ENTHD1: variants seen among roughly 807,000 people sequenced by gnomAD.
ENTHD1 encodes the protein ENTH domain containing 1, also known as ENTH domain-containing protein 1.
Under a neutral mutation model 39.1 loss-of-function variants are expected in ENTHD1, and 23 were observed. The observed-to-expected ratio is 0.59, with a 90% CI of 0.42 to 0.83. The LOEUF (loss-of-function observed/expected upper bound fraction) is 0.83, where lower values mean the gene tolerates loss of function less well. Among genes scored for constraint, ENTHD1 ranks in the 40% least tolerant of loss-of-function variants. The pLI is 0.00. For missense variants in ENTHD1, 624 were observed against 705.4 expected, an observed-to-expected ratio of 0.88 and a Z score of 1.31; for synonymous variants, 230 against 258.2, an observed-to-expected ratio of 0.89 and a Z score of 1.05.
chr22:39,796,556 C>T (rs2065551740), intron 5 of ENTHD1, among the ~76,000 whole-genome samples: 1 of 152,154 alleles, frequency 6.6e-6, no homozygotes, highest in African/African-American at 2.4e-5. Flanking sequence ...GGTGAGCCAC[C>T]ATGCCTGGCT....
At chr22:39,837,604 C>T (rs945374944) in intron 3 of ENTHD1, among the ~76,000 whole-genome samples, 16 of 152,172 alleles carry the variant, frequency 1.1e-4, no homozygotes, top group African/African-American at 3.9e-4. Flanking sequence ...GCATAAATAA[C>T]AAGGTATTTT....
chr22:39,821,248 A>G, intron 4 of ENTHD1, 135 bp from the exon 5 acceptor site: 2 of 1,111,928 alleles, frequency 1.8e-6, no homozygotes, highest in South Asian at 3.3e-5. Context: ...ACTCAAACAT[A>G]CATCTATCAC....
chr22:39,768,145 C>T (rs1260948577), intron 5 of ENTHD1, among the ~76,000 whole-genome samples: 3 of 152,174 alleles, frequency 2.0e-5, no homozygotes, highest in Non-Finnish European at 2.9e-5. Flanking sequence ...TTCCATCAGC[C>T]TTCATCCACC....
At chr22:39,870,106 T>C (rs770039252) in intron 2 of ENTHD1, among the ~76,000 whole-genome samples, 3 of 151,938 alleles carry the variant, frequency 2.0e-5, no homozygotes, top group Non-Finnish European at 4.4e-5. Context: ...AAACTCCGCC[T>C]CCTGGGTTCA....
At chr22:39,791,416 G>A (rs551307673) in intron 5 of ENTHD1, among the ~76,000 whole-genome samples, 68 of 151,220 alleles carry the variant, frequency 4.5e-4, no homozygotes, top group African/African-American at 1.5e-3. Flanking sequence ...TTTGTGGGGG[G>A]AACAGTCTCG....
intron 2 of ENTHD1, among the ~76,000 whole-genome samples, chr22:39,878,274 G>A (rs556891810): frequency 1.6e-4 from 25 of 152,162 alleles, no homozygotes; most frequent in African/African-American, 5.1e-4. Flanking sequence ...GAGAAAAACC[G>A]AATGACAACA....
intron 5 of ENTHD1, among the ~76,000 whole-genome samples, chr22:39,772,428 A>G (rs2065334249): frequency 6.6e-6 from 1 of 152,184 alleles, no homozygotes; most frequent in African/African-American, 2.4e-5. Context: ...AAATAGGCCT[A>G]TATGGTTGCA....
chr22:39,755,613 G>A (rs1030433947), intron 6 of ENTHD1, among the ~76,000 whole-genome samples: 1 of 152,062 alleles, frequency 6.6e-6, no homozygotes, highest in African/African-American at 2.4e-5. Context: ...GGAAGGATAG[G>A]CATTTACTTG....
intron 2 of ENTHD1, among the ~76,000 whole-genome samples, chr22:39,876,832 A>G (rs2066294119): frequency 6.6e-6 from 1 of 152,190 alleles, no homozygotes. Flanking sequence ...ATTGCTTTAA[A>G]TTTGCTAAAG....
chr22:39,842,896 A>G (rs556777183), intron 3 of ENTHD1, among the ~76,000 whole-genome samples: 27 of 147,860 alleles, frequency 1.8e-4, no homozygotes, highest in African/African-American at 6.0e-4. Flanking sequence ...AATGCAAATC[A>G]AAACCACAAT....
chr22:39,848,360 T>C (rs578227648), intron 3 of ENTHD1, among the ~76,000 whole-genome samples: 1 of 152,190 alleles, frequency 6.6e-6, no homozygotes, highest in African/African-American at 2.4e-5. Context: ...TTCAAGTGAT[T>C]CTCCTGCCTC....
chr22:39,803,226 G>T (rs1601604803), intron 5 of ENTHD1, among the ~76,000 whole-genome samples: 1 of 151,840 alleles, frequency 6.6e-6, no homozygotes. Context: ...AGCCACAACG[G>T]CCTCCTTGCA....
intron 3 of ENTHD1, among the ~76,000 whole-genome samples, chr22:39,856,159 A>T (rs948659157): frequency 4.6e-5 from 7 of 152,084 alleles, no homozygotes; most frequent in African/African-American, 1.7e-4. Context: ...CTGTAATCCC[A>T]GATACTGGGG....
At chr22:39,883,003 C>CAAAAATAAAAAA (rs2066351287) in intron 2 of ENTHD1, among the ~76,000 whole-genome samples, 1 of 48,290 alleles carries the variant, frequency 2.1e-5, no homozygotes, top group African/African-American at 6.5e-5. Context: ...GACTTCATCT[C>CAAAAATAAAAAA]AAAAAAAAAA....
At chr22:39,888,551 C>A (rs1022338084) in intron 1 of ENTHD1, among the ~76,000 whole-genome samples, 3 of 152,040 alleles carry the variant, frequency 2.0e-5, no homozygotes, top group Admixed American at 2.0e-4. Flanking sequence ...CCTCAGCCTC[C>A]TGAGTAGCTG....
intron 4 of ENTHD1, among the ~76,000 whole-genome samples, chr22:39,821,940 C>T (rs973296936): frequency 1.3e-5 from 2 of 152,130 alleles, no homozygotes; most frequent in Non-Finnish European, 2.9e-5. Flanking sequence ...CCGAAGATCC[C>T]GCCTCCTAAT....
intron 3 of ENTHD1, among the ~76,000 whole-genome samples, chr22:39,857,494 T>C (rs1158064419): frequency 2.4e-5 from 2 of 82,836 alleles, no homozygotes; most frequent in Admixed American, 2.4e-4. Flanking sequence ...TACAAAACAA[T>C]AAACTAGAAT....
intron 5 of ENTHD1, among the ~76,000 whole-genome samples, chr22:39,797,241 G>A (rs2065558050): frequency 6.6e-6 from 1 of 152,132 alleles, no homozygotes; most frequent in Admixed American, 6.5e-5. Flanking sequence ...AAATCTGTAT[G>A]TCTTTACAGG....
Position 39,756,622 on chromosome 22 carries a change from A to G in ENTHD1, c.1219+8601T>C, listed in dbSNP as rs113063364. Among the ~76,000 whole-genome samples, 42 of 152,232 alleles carry G rather than the reference A, an allele frequency of 2.8e-4. 1 individual carries two copies. The highest frequency in any genetic ancestry group is 9.4e-4 in the African/African-American group (39 of 41,544). ...TGCTGAGATTACAGGCATGAGCCAC[A>G]GTGCCCGGTCACACACACATATATT... On this transcript the variant is annotated intron_variant, in intron 6 of 6. Coordinates refer to ENST00000325157, the MANE Select transcript of ENTHD1 (RefSeq NM_152512.4).
Sources: gnomAD v4.1 joint callset for allele counts (sites outside exome capture counted in the v4.1 genomes callset) on GRCh38, gnomAD v4.1.1 for gene constraint, MANE v1.5 for transcripts, NCBI Gene and HGNC (gene_info 2026-07-23, HGNC 2026-07-21) for gene names.